Variants in RPS15 observed in about 807,000 individuals in gnomAD.
RPS15 encodes the protein small ribosomal subunit protein uS19.
In RPS15, 5 loss-of-function variants were observed where a neutral mutation model predicts 14.9. That is an observed-to-expected ratio of 0.34 (90% confidence interval 0.18 to 0.70). The LOEUF is 0.70. RPS15 is among the 30% of genes least tolerant of loss of function. RPS15 has a pLI of 0.65. For synonymous variants in RPS15, 103 were observed against 85.0 expected, an observed-to-expected ratio of 1.21 and a Z score of -1.16; for missense variants, 102 against 204.2, an observed-to-expected ratio of 0.50 and a Z score of 3.05.
rs765902169 is a variant in RPS15, at chr19:1,438,740, C to T, written c.4-67C>T. Reference sequence around the variant, plus strand: ...GGCGCCGCGCGTCTTCCGCGGTGTCCTCGGGCCCGGTGGCCCCGGGAGATG... The same window carrying T: ...GGCGCCGCGCGTCTTCCGCGGTGTCTTCGGGCCCGGTGGCCCCGGGAGATG... On this transcript the variant is annotated intron_variant, in intron 1 of 3. Coordinates refer to ENST00000592588, the MANE Select transcript of RPS15 (RefSeq NM_001018.5). The surrounding 1 kb of genome is among the most constrained non-coding windows in gnomAD (Gnocchi z 4.8). The T allele has an allele frequency of 1.1e-4, 163 of 1,545,830 alleles. No homozygotes were observed. Among genetic ancestry groups the T allele is most frequent in the Non-Finnish European group, 1.4e-4 (159 of 1,143,396 alleles).
At chr19:1,440,291 G>A in intron 3 of RPS15, 38 bp downstream of exon 3, 1 of 1,611,682 alleles carries the variant, frequency 6.2e-7, no homozygotes, top group Non-Finnish European at 8.5e-7. Flanking sequence ...GGTGGGCTGG[G>A]GTCGCCTGAT....
At chr19:1,439,669 A>T (rs772614806) in intron 2 of RPS15, 27 of 564,434 alleles carry the variant, frequency 4.8e-5, no homozygotes, top group Non-Finnish European at 6.6e-5. Flanking sequence ...TGCTGGGATC[A>T]CAGGCGGGAG....
Position 1,440,368 on chromosome 19 carries a change from A to G in RPS15, c.344A>G (p.Tyr115Cys). 1 of 1,613,832 alleles carries G rather than the reference A, an allele frequency of 6.2e-7. No individual in the cohort carries two copies. The highest frequency in any genetic ancestry group is 8.5e-7 in the Non-Finnish European group (1 of 1,179,888). Residue 115 changes from tyrosine to cysteine, a missense_variant, in exon 4 of 4, where the codon TAC becomes TGC. Physicochemically the swap from Tyr to Cys is radical, Grantham distance 194 (BLOSUM62 -2). Transcript: ENST00000592588. ...VEIKPEMIGHYLGEFSITYKP... is the reference protein window; with the variant it reads ...VEIKPEMIGHCLGEFSITYKP... ...CCGCAGCCCGAGATGATCGGCCACT[A>G]CCTGGGCGAGTTCTCCATCACCTAC...
chr19:1,439,642 G>A (rs1217326494), intron 2 of RPS15: 3 of 527,866 alleles, frequency 5.7e-6, no homozygotes, highest in Admixed American at 3.4e-5. Context: ...CGACCCTCCC[G>A]CCTCAACCTC....
In RPS15 at chr19:1,440,263, G is replaced by A; in HGVS notation, c.324+10G>A. The stretch of plus-strand genomic sequence containing the variant: ...CCAGGTGGAGATCAAGGTGTGTGCG[G>A]CCGTCCCTGCCGGCTGGGGTGGGCT... On this transcript the variant is annotated intron_variant, in intron 3 of 3. Coordinates refer to ENST00000592588, the MANE Select transcript of RPS15 (RefSeq NM_001018.5). 33 of 1,612,176 alleles carry A rather than the reference G, an allele frequency of 2.0e-5. No individual in the cohort carries two copies. Among genetic ancestry groups the A allele is most frequent in the Non-Finnish European group, 2.8e-5 (33 of 1,179,180 alleles).
intron 2 of RPS15, chr19:1,439,205 G>A (rs1384594681): frequency 5.3e-5 from 19 of 358,372 alleles, no homozygotes; most frequent in Non-Finnish European, 9.0e-5. Flanking sequence ...GGCGGTGGAG[G>A]TCGCTGGGTC....
rs757963954 is a variant in RPS15 at position 1,438,834 on chromosome 19, A to G, written c.31A>G (p.Thr11Ala). Reference sequence around the variant, plus strand: ...AGAAGTAGAGCAGAAGAAGAAGCGGACCTTCCGCAAGTTCACCTACCGCGG... The same window carrying G: ...AGAAGTAGAGCAGAAGAAGAAGCGGGCCTTCCGCAAGTTCACCTACCGCGG... MAEVEQKKKR[T>A]FRKFTYRGVD... Residue 11 changes from threonine (T) to alanine (A), a missense_variant, in exon 2 of 4, where the codon ACC (threonine) becomes GCC (alanine). Physicochemically the swap from Thr to Ala is moderately conservative, Grantham distance 58 (BLOSUM62 0). Transcript: ENST00000592588. This position sits in a 1 kb window ranked among gnomAD's most constrained non-coding sequence, Gnocchi z 4.8. 5 of 1,596,492 alleles carry G rather than the reference A, an allele frequency of 3.1e-6. No individual in the cohort carries two copies. In the Admixed American group the frequency reaches 5.1e-5, roughly 16 times the overall value.
intron 2 of RPS15, chr19:1,439,192 A>C: frequency 2.7e-6 from 1 of 371,616 alleles, no homozygotes. Flanking sequence ...CTTAGATTTT[A>C]AGGGCGGTGG....
intron 2 of RPS15, chr19:1,439,759 C>G: frequency 1.6e-6 from 1 of 611,100 alleles, no homozygotes; most frequent in South Asian, 1.9e-5. Flanking sequence ...TTGTCTGAGG[C>G]TGTGGTCTCC....
intron 2 of RPS15, chr19:1,439,654 C>T (rs573358829): frequency 1.5e-5 from 8 of 547,672 alleles, no homozygotes; most frequent in African/African-American, 3.8e-5. Flanking sequence ...CTCAACCTCC[C>T]GAAGTGCTGG....
Position 1,438,622 on chromosome 19 carries a change from G to A in RPS15, c.4-185G>A. 1 of 1,534,402 alleles carries A rather than the reference G, an allele frequency of 6.5e-7. No homozygotes were observed. The highest frequency in any genetic ancestry group is 1.4e-5 in the African/African-American group (1 of 72,738). On this transcript the variant is annotated intron_variant, in intron 1 of 3. Coordinates refer to ENST00000592588, the MANE Select transcript of RPS15 (RefSeq NM_001018.5). This position sits in a 1 kb window ranked among gnomAD's most constrained non-coding sequence, Gnocchi z 4.8. ...CGCGGGGCTGGGAAGGCCTGTCCGG[G>A]CCTTCATGTCCGGGTCCTCGTAACC...
At chr19:1,439,167 G>A (rs2083633309) in intron 2 of RPS15, 1 of 463,042 alleles carries the variant, frequency 2.2e-6, no homozygotes, top group Non-Finnish European at 3.8e-6. Context: ...TAGAATAAGG[G>A]GCTGCGTTAG....
At chr19:1,439,704 C>T (rs1346561207) in intron 2 of RPS15, 2 of 586,032 alleles carry the variant, frequency 3.4e-6, no homozygotes, top group Non-Finnish European at 3.0e-6. Context: ...CTGCCTTCCC[C>T]TGCGTTTTTA....
At chr19:1,439,904 G>T (rs1007727748) in intron 2 of RPS15, 115 bp from the exon 3 acceptor site, 2 of 846,228 alleles carry the variant, frequency 2.4e-6, no homozygotes, top group Non-Finnish European at 3.9e-6. Flanking sequence ...ACAGTGACAG[G>T]TCCACTGCGG....
chr19:1,439,900 A>G (rs563934517), intron 2 of RPS15, 119 bp from the exon 3 acceptor site: 2 of 829,484 alleles, frequency 2.4e-6, no homozygotes, highest in African/African-American at 3.4e-5. Context: ...ATGGACAGTG[A>G]CAGGTCCACT....
rs2083629500 is a variant in RPS15, at chr19:1,438,796, C to T, written c.4-11C>T. On this transcript the variant is annotated splice_polypyrimidine_tract_variant and intron_variant, in intron 1 of 3. Transcript: ENST00000592588. The surrounding 1 kb of genome is among the most constrained non-coding windows in gnomAD (Gnocchi z 4.8). ...CGGGATCCCGCTGACGCCCGATCCG[C>T]GCCCGCACAGGCAGAAGTAGAGCAG... 3 of 1,585,352 alleles carry T rather than the reference C, an allele frequency of 1.9e-6. No homozygotes were observed. The highest frequency in any genetic ancestry group is 1.3e-5 in the African/African-American group (1 of 74,146).
rs1240749730 is a variant in RPS15, at chr19:1,438,437, T to TG, written c.3+10dup. ...GAGGATCCGGCAAGATGGTGAGTGT[T>TG]GCGATTTGGCGCGTCTCTGCCGGGC... On this transcript the variant is annotated intron_variant, in intron 1 of 3. Transcript: ENST00000592588. This position sits in a 1 kb window ranked among gnomAD's most constrained non-coding sequence, Gnocchi z 4.8. 1.7e-5 allele frequency: 27 copies of TG among 1,613,284 alleles called. No individual in the cohort carries two copies. The highest frequency in any genetic ancestry group is 2.1e-5 in the Non-Finnish European group (25 of 1,179,896).
intron 2 of RPS15, chr19:1,439,686 CGCCCTACCT>C: frequency 1.7e-6 from 1 of 577,772 alleles, no homozygotes; most frequent in South Asian, 2.2e-5. Flanking sequence ...GGAGCCACTG[CGCCCTACCT>C]GCCTTCCCCT....
rs200854808 is a variant in RPS15 at position 1,440,130 on chromosome 19, G to T, written c.201G>T (p.Ala67=). 32 of 1,607,924 alleles carry T rather than the reference G, an allele frequency of 2.0e-5. No homozygotes were observed. Among genetic ancestry groups the T allele is most frequent in the Non-Finnish European group, 2.7e-5 (32 of 1,177,878 alleles). The change falls in exon 3 of 4, where the codon GCG becomes GCT. Residue 67 remains alanine (A), a synonymous_variant. Transcript: ENST00000592588. ...LKRLRKAKKE[A]PPMEKPEVVK... The stretch of plus-strand genomic sequence containing the variant: ...GCCTGCGCAAGGCCAAGAAGGAGGC[G>T]CCGCCCATGGAGAAGCCGGAAGTGG...
Sources: gnomAD v4.1 joint callset for allele counts on GRCh38, gnomAD v4.1.1 for gene constraint, Gnocchi (gnomAD v3.1) non-coding constraint, MANE v1.5 for transcripts, NCBI Gene and HGNC (gene_info 2026-07-23, HGNC 2026-07-21) for gene names.